Variants in TK2 observed in about 807,000 individuals in gnomAD.
TK2 encodes thymidine kinase 2, also known as thymidine kinase 2, mitochondrial.
A neutral mutation model predicts 41.9 loss-of-function variants in TK2; 35 were observed. The observed-to-expected ratio is 0.84, with a 90% confidence interval of 0.64 to 1.11. The LOEUF (loss-of-function observed/expected upper bound fraction) is 1.11, where lower values mean the gene tolerates loss of function less well. Among genes scored for constraint, TK2 ranks in the 50% least tolerant of loss-of-function variants. The probability of loss-of-function intolerance (pLI) is 0.00; values close to 1 mark genes in which losing one functional copy is unlikely to be tolerated. For synonymous variants in TK2, 128 were observed against 129.1 expected, an observed-to-expected ratio of 0.99 and a Z score of 0.06; for missense variants, 320 against 351.1, an observed-to-expected ratio of 0.91 and a Z score of 0.71.
intron 8 of TK2, among the ~76,000 whole-genome samples, chr16:66,515,923 C>T (rs1285864088): frequency 6.6e-6 from 1 of 152,188 alleles, no homozygotes; most frequent in Non-Finnish European, 1.5e-5. Context: ...TCCAGCCTAT[C>T]CTGAGCTCAG....
chr16:66,530,629 A>G (rs901536217), intron 5 of TK2, among the ~76,000 whole-genome samples: 1 of 152,186 alleles, frequency 6.6e-6, no homozygotes. Context: ...AGTCACCTGG[A>G]GGGCTTGATA....
At chr16:66,545,939 AAGT>A (rs1965594609) in intron 2 of TK2, among the ~76,000 whole-genome samples, 2 of 152,200 alleles carry the variant, frequency 1.3e-5, no homozygotes, top group Admixed American at 1.3e-4. Context: ...AAGAGACAGG[AAGT>A]AGATTAGTGG....
chr16:66,521,089 A>G (rs1432537312), intron 6 of TK2, among the ~76,000 whole-genome samples: 1 of 152,234 alleles, frequency 6.6e-6, no homozygotes. Flanking sequence ...GCGTCTGCAC[A>G]GCTCGAGGGA....
intron 8 of TK2, 176 bp from the exon 9 acceptor site, chr16:66,513,987 G>A (rs936775335): frequency 1.4e-4 from 98 of 686,336 alleles, no homozygotes; most frequent in African/African-American, 9.7e-4. Flanking sequence ...CCACACACTC[G>A]GTGGCCAGGC....
intron 4 of TK2, among the ~76,000 whole-genome samples, chr16:66,533,052 T>A (rs1965164835): frequency 6.8e-6 from 1 of 147,520 alleles, no homozygotes; most frequent in Non-Finnish European, 1.5e-5. Context: ...TCCACACCTA[T>A]CACCTGTCTT....
chr16:66,513,718 G>A lies in TK2; in HGVS notation c.699+13C>T, dbSNP rs373230604. 3 of 1,612,456 alleles carry A rather than the reference G, an allele frequency of 1.9e-6. No individual in the cohort carries two copies. The highest frequency in any genetic ancestry group is 2.5e-6 in the Non-Finnish European group (3 of 1,178,818). On this transcript the variant is annotated intron_variant, in intron 9 of 9. Coordinates refer to ENST00000544898, the MANE Select transcript of TK2 (RefSeq NM_004614.5). Reference sequence around the variant, plus strand: ...TAGAACAGTCTCGTACCCTGTAAGGGAGTCTTACTTACCAGAACAGGGGCT... The same window carrying A: ...TAGAACAGTCTCGTACCCTGTAAGGAAGTCTTACTTACCAGAACAGGGGCT...
chr16:66,538,441 C>G (rs1597102410), intron 3 of TK2, among the ~76,000 whole-genome samples: 2 of 152,172 alleles, frequency 1.3e-5, no homozygotes, highest in East Asian at 3.9e-4. Flanking sequence ...CACACAGGCC[C>G]ACCAGAGTCT....
intron 5 of TK2, among the ~76,000 whole-genome samples, chr16:66,530,007 A>G (rs1481873614): frequency 6.6e-6 from 1 of 152,180 alleles, no homozygotes; most frequent in Non-Finnish European, 1.5e-5. Flanking sequence ...TCCTATTCAA[A>G]TATCATTAGA....
intron 1 of TK2, 145 bp from the exon 2 acceptor site, chr16:66,549,154 T>C: frequency 6.6e-7 from 1 of 1,518,986 alleles, no homozygotes; most frequent in Non-Finnish European, 8.8e-7. Flanking sequence ...CCTCCGAGAT[T>C]GGAGGCGCGC....
intron 2 of TK2, chr16:66,547,964 G>A: frequency 1.6e-6 from 2 of 1,289,048 alleles, no homozygotes; most frequent in Non-Finnish European, 2.0e-6. Context: ...CAGGCACAGT[G>A]GCTCACACTT....
At chr16:66,549,561 T>G (rs945567803) in intron 1 of TK2, 15 of 1,066,690 alleles carry the variant, frequency 1.4e-5, no homozygotes, top group African/African-American at 3.3e-5. Flanking sequence ...GTAACCCCCC[T>G]CCCCCACGCT....
chr16:66,509,392 AAGAT>A lies in TK2; in HGVS notation c.*2572_*2575del, dbSNP rs1964383121. ...CCCACTACACACTTCTTTTATGTAA[AAGAT>A]AAATATATTTCTATCTAGTTTCCAA... On this transcript the variant is annotated 3_prime_UTR_variant, in exon 10 of 10. Coordinates refer to ENST00000544898, the MANE Select transcript of TK2 (RefSeq NM_004614.5). 1.3e-5 allele frequency: 2 copies of A among 152,244 alleles called. No individual in the cohort carries two copies. The highest frequency in any genetic ancestry group is 4.8e-5 in the African/African-American group (2 of 41,450). The allele number at this position is 152,244 out of a possible 1,614,324, so 9.4% of individuals were successfully genotyped here.
At chr16:66,543,763 AAAGTCTCCCCAGC>A in intron 2 of TK2, among the ~76,000 whole-genome samples, 1 of 152,132 alleles carries the variant, frequency 6.6e-6, no homozygotes, top group Non-Finnish European at 1.5e-5. Context: ...CGACCCCACT[AAAGTCTCCCCAGC>A]AACTAGAACT....
chr16:66,549,860 CGGGTTCCGGAAGCCGAGGGGCCGGGA>C, intron 1 of TK2, 52 bp downstream of exon 1: 1 of 1,287,062 alleles, frequency 7.8e-7, no homozygotes, highest in Non-Finnish European at 9.8e-7. Flanking sequence ...CGGGCTCGGG[CGGGTTCCGGAAGCCGAGGGGCCGGGA>C]GTAGGTGGGC....
At chr16:66,549,579 G>A (rs1319876260) in intron 1 of TK2, 2 of 1,092,256 alleles carry the variant, frequency 1.8e-6, no homozygotes, top group African/African-American at 3.3e-5. Context: ...GCTGGCACCA[G>A]AGTGTGAGCA....
In TK2 at chr16:66,529,032, G is replaced by A. The variant is rs1416218015; in HGVS notation, c.411C>T (p.His137=). The A allele has an allele frequency of 1.9e-6, 3 of 1,614,112 alleles. No homozygotes were observed. The highest frequency in any genetic ancestry group is 2.2e-5 in the South Asian group (2 of 91,078). ...SSVRLMERSI[H]SARYIFVENL... The stretch of plus-strand genomic sequence containing the variant: ...TTTCTACAAAAATGTATCTTGCGCT[G>A]TGAATCGACCTCTCCATCAACCGTA... Residue 137 remains histidine (H), a synonymous_variant, in exon 6 of 10, where the codon CAC becomes CAT. Coordinates refer to ENST00000544898, the MANE Select transcript of TK2 (RefSeq NM_004614.5).
At chr16:66,530,223 G>A (rs1176689229) in intron 5 of TK2, among the ~76,000 whole-genome samples, 1 of 152,214 alleles carries the variant, frequency 6.6e-6, no homozygotes, top group Non-Finnish European at 1.5e-5. Context: ...AGCTATTGCT[G>A]CAGGTACCCA....
chr16:66,546,741 C>T (rs1965619811), intron 2 of TK2: 1 of 151,186 alleles, frequency 6.6e-6, no homozygotes, highest in Admixed American at 6.6e-5. Flanking sequence ...TTATTGAACT[C>T]CCTACTATTT....
Position 66,512,884 on chromosome 16 carries a change from T to C in TK2, c.700-818A>G, listed in dbSNP as rs150360374. On this transcript the variant is annotated intron_variant, in intron 9 of 9. Transcript: ENST00000544898. ...AGAAGTGTTTGAGCCCAAACAGATA[T>C]TCCTATGGCCACGCACAAAAGCTCA... Among the ~76,000 whole-genome samples the C allele has an allele frequency of 2.0e-4, 30 of 152,294 alleles. No homozygotes were observed. In the East Asian group the frequency reaches 4.0e-3, roughly 21 times the overall value.
Sources: gnomAD v4.1 joint callset for allele counts (sites outside exome capture counted in the v4.1 genomes callset) on GRCh38, gnomAD v4.1.1 for gene constraint, MANE v1.5 for transcripts, NCBI Gene and HGNC (gene_info 2026-07-23, HGNC 2026-07-21) for gene names.